Variants in CD96 observed in about 807,000 individuals in gnomAD.
CD96 encodes the protein CD96 molecule.
In CD96, 70 loss-of-function variants were observed where a neutral mutation model predicts 71.3. The observed-to-expected ratio is 0.98, with a 90% CI of 0.81 to 1.20. The LOEUF is 1.20. Ranked by LOEUF, CD96 falls within the 50% of genes most tolerant of loss-of-function variation. CD96 has a pLI of 0.00. For synonymous variants in CD96, 248 were observed against 233.0 expected (o/e 1.06, Z -0.59); for missense variants, 742 against 677.5 (o/e 1.10, Z -1.06).
chr3:111,573,949 A>G (rs1392602336), intron 3 of CD96, among the ~76,000 whole-genome samples: 1 of 152,224 alleles, frequency 6.6e-6, no homozygotes, highest in Non-Finnish European at 1.5e-5. Flanking sequence ...ACCAACAGCA[A>G]TGGTTAGAAA....
chr3:111,611,703 A>G (rs2107678496), intron 8 of CD96, among the ~76,000 whole-genome samples: 1 of 152,348 alleles, frequency 6.6e-6, no homozygotes, highest in South Asian at 2.1e-4. Flanking sequence ...GGTCTGGAAG[A>G]AAATACTGAC....
rs145340871 is a variant in CD96 at position 111,643,263 on chromosome 3, A to G, written c.1478-4280A>G. Among the ~76,000 whole-genome samples, 460 of 152,248 alleles carry G rather than the reference A, an allele frequency of 3.0e-3. 1 individual carries two copies. The highest frequency in any genetic ancestry group is 4.9e-3 in the Non-Finnish European group (335 of 68,006). ...ATCATCTCAATTGATACAAAAAAAA[A>G]TTCAACAAAATCCAACATCCCTTTA... On this transcript the variant is annotated intron_variant, in intron 12 of 13. Transcript: ENST00000352690.
chr3:111,624,456 C>T (rs766810358), intron 10 of CD96, 52 bp downstream of exon 10: 14 of 985,360 alleles, frequency 1.4e-5, no homozygotes, highest in African/African-American at 3.2e-5. Context: ...GTCATTCATC[C>T]GACAGATATA....
chr3:111,625,401 T>A (rs1390381267), intron 10 of CD96, among the ~76,000 whole-genome samples: 5 of 152,056 alleles, frequency 3.3e-5, no homozygotes. Flanking sequence ...TAGACACCCA[T>A]GAACCCAGTA....
chr3:111,562,577 A>C (rs1430244254), intron 2 of CD96, among the ~76,000 whole-genome samples: 1 of 152,242 alleles, frequency 6.6e-6, no homozygotes, highest in African/African-American at 2.4e-5. Flanking sequence ...GGCTTGCAAG[A>C]AGTTGCCCCT....
chr3:111,553,472 T>C (rs986220986), intron 2 of CD96, among the ~76,000 whole-genome samples: 28 of 147,096 alleles, frequency 1.9e-4, no homozygotes, highest in African/African-American at 5.5e-4. Context: ...TGATAGATGA[T>C]GCATAGTTAT....
chr3:111,600,751 A>C lies in CD96; in HGVS notation c.924A>C (p.Arg308Ser). Residue 308 changes from arginine (R) to serine (S), a missense_variant, in exon 7 of 14, where the codon AGA (arginine) becomes AGC (serine). Arg to Ser is a moderately radical substitution (Grantham distance 110). Transcript: ENST00000352690. ...KEGIYITNEE[R>S]KGKDGFLELK... is the part of the protein sequence containing the mutation. The stretch of plus-strand genomic sequence containing the variant: ...GAATATATATTACTAATGAAGAGAG[A>C]AAAGGCAAAGATGGATTTTTGGAAC... 6.2e-7 allele frequency: 1 copy of C among 1,613,030 alleles called. No homozygotes were observed. Among genetic ancestry groups the C allele is most frequent in the Admixed American group, 1.7e-5 (1 of 60,024 alleles).
At chr3:111,644,721 A>G (rs1008247373) in intron 12 of CD96, among the ~76,000 whole-genome samples, 3 of 152,122 alleles carry the variant, frequency 2.0e-5, no homozygotes, top group Non-Finnish European at 2.9e-5. Flanking sequence ...TGAATAGACA[A>G]TTCTCAAAAG....
At chr3:111,637,374 T>G (rs1939379847) in intron 11 of CD96, 113 bp downstream of exon 11, 1 of 728,280 alleles carries the variant, frequency 1.4e-6, no homozygotes, top group African/African-American at 1.7e-5. Context: ...TATATAAAAG[T>G]ACATCTTGAT....
At chr3:111,653,974 A>G (rs138054807), downstream of CD96, among the ~76,000 whole-genome samples, 191 of 152,310 alleles carry the variant, frequency 1.3e-3, 1 homozygote, top group Admixed American at 6.3e-3. Flanking sequence ...AGTTGAAAAG[A>G]AAGTTTAGAG....
chr3:111,552,626 G>A (rs1934774597), intron 2 of CD96, among the ~76,000 whole-genome samples: 1 of 152,022 alleles, frequency 6.6e-6, no homozygotes, highest in Non-Finnish European at 1.5e-5. Context: ...CAGAGAATAT[G>A]TAAATGAATG....
At chr3:111,616,171 A>G (rs1938225837) in intron 8 of CD96, among the ~76,000 whole-genome samples, 1 of 152,202 alleles carries the variant, frequency 6.6e-6, no homozygotes, top group Non-Finnish European at 1.5e-5. Context: ...TAAAAAAAGT[A>G]AATCTGATGA....
downstream of CD96, among the ~76,000 whole-genome samples, chr3:111,656,732 T>A (rs1352841804): frequency 6.6e-6 from 1 of 152,064 alleles, no homozygotes; most frequent in Non-Finnish European, 1.5e-5. Flanking sequence ...TCCAGAGATA[T>A]TATTAAGGGA....
intron 7 of CD96, among the ~76,000 whole-genome samples, chr3:111,603,842 T>C (rs1368154035): frequency 6.6e-6 from 1 of 152,214 alleles, no homozygotes; most frequent in African/African-American, 2.4e-5. Context: ...CACTGCATAT[T>C]GGTGTGGAAG....
intron 2 of CD96, among the ~76,000 whole-genome samples, chr3:111,562,275 G>A (rs1935487742): frequency 6.6e-6 from 1 of 152,024 alleles, no homozygotes; most frequent in South Asian, 2.1e-4. Flanking sequence ...TCAACACCTG[G>A]GTCCACCCAG....
At chr3:111,568,178 T>A (rs1304846289) in intron 3 of CD96, among the ~76,000 whole-genome samples, 1 of 152,144 alleles carries the variant, frequency 6.6e-6, no homozygotes, top group Non-Finnish European at 1.5e-5. Context: ...GCTCTTGTAA[T>A]GCCACAGGGG....
At chr3:111,551,472 G>A in intron 2 of CD96, among the ~76,000 whole-genome samples, 1 of 152,132 alleles carries the variant, frequency 6.6e-6, no homozygotes, top group Non-Finnish European at 1.5e-5. Flanking sequence ...TCTCTGAAGG[G>A]TCATGCTAAG....
At chr3:111,625,454 C>A (rs1938706189) in intron 10 of CD96, among the ~76,000 whole-genome samples, 1 of 151,946 alleles carries the variant, frequency 6.6e-6, no homozygotes, top group African/African-American at 2.4e-5. Context: ...GAAGGGGGAG[C>A]ATAGAAAGAA....
At chr3:111,545,477 C>A in intron 2 of CD96, 75 bp downstream of exon 2, 2 of 1,012,014 alleles carry the variant, frequency 2.0e-6, no homozygotes, top group Admixed American at 1.7e-5. Context: ...TTAAGAAAAG[C>A]AAGGTTAGGC....
Sources: allele counts gnomAD v4.1 joint callset (sites outside exome capture counted in the v4.1 genomes callset), GRCh38; gene constraint gnomAD v4.1.1; transcripts MANE v1.5; gene names NCBI Gene and HGNC (gene_info 2026-07-23, HGNC 2026-07-21).